The following CIP2A variants were observed in gnomAD, a reference collection of about 807,000 sequenced individuals.
CIP2A encodes cellular inhibitor of PP2A.
Under a neutral mutation model 110.9 loss-of-function variants are expected in CIP2A, and 103 were observed. That is an observed-to-expected ratio of 0.93 (90% CI 0.79 to 1.09). The LOEUF (loss-of-function observed/expected upper bound fraction) is 1.09, where lower values mean the gene tolerates loss of function less well. CIP2A is among the 50% of genes least tolerant of loss of function. The pLI, the probability that CIP2A is intolerant of heterozygous loss-of-function variation, is 0.00. For synonymous variants in CIP2A, 381 were observed against 361.6 expected (o/e 1.05, Z -0.61); for missense variants, 1,088 against 1,038.4 (o/e 1.05, Z -0.66).
At position 108,582,136 on chromosome 3, in the gene CIP2A, C is replaced by T; in HGVS notation, c.424G>A (p.Glu142Lys). 6.7e-7 allele frequency: 1 copy of T among 1,495,104 alleles called. No individual in the cohort carries two copies. The highest frequency in any genetic ancestry group is 9.2e-7 in the Non-Finnish European group (1 of 1,086,916). The allele number at this position is 1,495,104 out of a possible 1,614,324, so 92.6% of individuals were successfully genotyped here. A position where few individuals can be genotyped will look rare whatever the true frequency, so the allele number is the denominator to read the frequency against. ...KIFYSGANID[E>K]LITFLIDHIQ... ...TGATCTATCAGGAACGTAATTAATT[C>T]ATCTATATTGGCACCAGAATAGAAA... Residue 142 changes from glutamate to lysine, a missense_variant, in exon 4 of 21, where the codon GAA becomes AAA. Glu to Lys is a moderately conservative substitution (Grantham distance 56, BLOSUM62 1). Transcript: ENST00000295746.
rs1937710517 is a variant in CIP2A at position 108,554,402 on chromosome 3, A to T, written c.2298T>A (p.Asn766Lys). Residue 766 changes from asparagine (N) to lysine (K), a missense_variant, in exon 18 of 21, where the codon AAT (asparagine) becomes AAA (lysine). Physicochemically the swap from Asn to Lys is moderately conservative, Grantham distance 94 (BLOSUM62 0). Transcript: ENST00000295746. Reference protein sequence around the residue: ...NKQIETVKKLNESLKEQNEKS... With the variant: ...NKQIETVKKLKESLKEQNEKS... ...TTTCATTTTGTTCCTTGAGTGACTC[A>T]TTCAACTTTTTCACTGTCTCAATTT... 1 of 1,531,256 alleles carries T rather than the reference A, an allele frequency of 6.5e-7. No individual in the cohort carries two copies. The highest frequency in any genetic ancestry group is 1.7e-5 in the Admixed American group (1 of 58,002). The allele number at this position is 1,531,256 out of a possible 1,614,324, so 94.9% of individuals were successfully genotyped here.
chr3:108,560,535 A>G (rs1937969825), intron 14 of CIP2A, 114 bp downstream of exon 14: 1 of 643,420 alleles, frequency 1.6e-6, no homozygotes, highest in Non-Finnish European at 2.6e-6. Flanking sequence ...GTTATTTCTT[A>G]TATTAAGGTT....
intron 7 of CIP2A, 60 bp from the exon 8 acceptor site, chr3:108,576,406 G>T: frequency 3.5e-6 from 3 of 865,254 alleles, no homozygotes; most frequent in South Asian, 1.8e-5. Context: ...CATCAAAAGG[G>T]ATTTATCTAC....
chr3:108,588,024 C>G (rs1939130905), intron 1 of CIP2A, among the ~76,000 whole-genome samples: 1 of 152,150 alleles, frequency 6.6e-6, no homozygotes. Context: ...GTGATCCGCT[C>G]GCCTCGGCCT....
chr3:108,584,642 C>T (rs918389921), intron 2 of CIP2A, among the ~76,000 whole-genome samples: 1 of 152,170 alleles, frequency 6.6e-6, no homozygotes, highest in Non-Finnish European at 1.5e-5. Flanking sequence ...CATTCTGTCA[C>T]TGAAGAAAGT....
chr3:108,551,143 T>C lies in CIP2A; in HGVS notation c.*6A>G, dbSNP rs1553692323. The C allele has an allele frequency of 4.9e-6, 6 of 1,226,654 alleles. No individual in the cohort carries two copies. Among genetic ancestry groups the C allele is most frequent in the Non-Finnish European group, 5.3e-6 (5 of 947,868 alleles). 76.0% of individuals were successfully genotyped at this position (1,226,654 alleles called of 1,614,324 possible). A position where few individuals can be genotyped will look rare whatever the true frequency, so the allele number is the denominator to read the frequency against. Reference sequence around the variant, plus strand: ...TGAGATTACAAATTCCAAAATGCCATAATGTCTATATACTGAGATTCACAG... The same window carrying C: ...TGAGATTACAAATTCCAAAATGCCACAATGTCTATATACTGAGATTCACAG... On this transcript the variant is annotated 3_prime_UTR_variant, in exon 21 of 21. Transcript: ENST00000295746.
intron 7 of CIP2A, 76 bp downstream of exon 7, chr3:108,579,205 A>G (rs755022720): frequency 4.5e-6 from 5 of 1,110,292 alleles, no homozygotes; most frequent in Non-Finnish European, 4.0e-6. Flanking sequence ...TATTTTAAGA[A>G]GACAATTCTG....
Position 108,550,656 on chromosome 3 carries a change from G to A in CIP2A, c.*493C>T, listed in dbSNP as rs1390664600. The A allele has an allele frequency of 6.6e-6, 1 of 151,338 alleles. No individual in the cohort carries two copies. The highest frequency in any genetic ancestry group is 1.5e-5 in the Non-Finnish European group (1 of 67,702). The allele number at this position is 151,338 out of a possible 1,614,324, so 9.4% of individuals were successfully genotyped here. ...TTTAAATTCACTAATATTTTCTTTTGTGCTTCTTCAGAGACAAACTTCTCT... is the reference window on the plus strand; with the variant it reads ...TTTAAATTCACTAATATTTTCTTTTATGCTTCTTCAGAGACAAACTTCTCT... On this transcript the variant is annotated 3_prime_UTR_variant, in exon 21 of 21. Coordinates refer to ENST00000295746, the MANE Select transcript of CIP2A (RefSeq NM_020890.3).
At chr3:108,566,359 T>A (rs1576305282) in intron 11 of CIP2A, 138 bp downstream of exon 11, 1 of 631,296 alleles carries the variant, frequency 1.6e-6, no homozygotes, top group Non-Finnish European at 2.6e-6. Context: ...TTACAAAAAA[T>A]TCATTATGAA....
At chr3:108,561,079 G>T (rs1035853342) in intron 13 of CIP2A, among the ~76,000 whole-genome samples, 5 of 152,130 alleles carry the variant, frequency 3.3e-5, no homozygotes, top group Admixed American at 3.3e-4. Context: ...TGGAGGCATT[G>T]TAAGACTAGT....
intron 1 of CIP2A, among the ~76,000 whole-genome samples, chr3:108,587,497 T>G (rs1360572464): frequency 6.6e-6 from 1 of 152,244 alleles, no homozygotes. Flanking sequence ...CTAGAAATGT[T>G]CTGTATCATG....
intron 12 of CIP2A, among the ~76,000 whole-genome samples, chr3:108,564,548 G>A (rs1938116246): frequency 6.6e-6 from 1 of 151,904 alleles, no homozygotes; most frequent in Non-Finnish European, 1.5e-5. Context: ...ACTTGGATGA[G>A]TGCCATGTAA....
rs866662638 is a variant in CIP2A at position 108,575,319 on chromosome 3, T to C, written c.894+952A>G. Among the ~76,000 whole-genome samples, 806 of 146,332 alleles carry C rather than the reference T, an allele frequency of 5.5e-3. 5 individuals carry two copies. The highest frequency in any genetic ancestry group is 0.02 in the African/African-American group (741 of 36,976). On this transcript the variant is annotated intron_variant, in intron 8 of 20. Transcript: ENST00000295746. ...ACACGTGTACGTACACACACGTGCA[T>C]GTACACACACGTGTATATATACATA... is the stretch of plus-strand genomic sequence containing the variant.
chr3:108,565,367 G>T lies in CIP2A; in HGVS notation c.1503C>A (p.Tyr501Ter). The T allele has an allele frequency of 6.4e-7, 1 of 1,570,110 alleles. No homozygotes were observed. The highest frequency in any genetic ancestry group is 8.7e-7 in the Non-Finnish European group (1 of 1,147,916). ...AGTTTAAACTCACCTGAAGTATTTT[G>T]TAGAAGCTTACTTCCATACCAGGAA... ...PLVPGMEVSF[Y>*]KILQDPRLIT... Residue 501 changes from tyrosine (Y) to a stop codon, truncating the protein, a stop_gained, in exon 12 of 21, where the codon TAC (tyrosine) becomes TAA (stop). Coordinates refer to ENST00000295746, the MANE Select transcript of CIP2A (RefSeq NM_020890.3). LOFTEE classifies it high-confidence loss of function.
At position 108,568,133 on chromosome 3, in the gene CIP2A, C is replaced by T. The variant is rs752686943; in HGVS notation, c.1273+22G>A. 1.1e-5 allele frequency: 17 copies of T among 1,593,210 alleles called. No homozygotes were observed. In the East Asian group the frequency reaches 1.3e-4, roughly 13 times the overall value. On this transcript the variant is annotated intron_variant, in intron 10 of 20. Transcript: ENST00000295746. ...AGAATGGTTAGTTATACAGTTTTCACGTTAATGACAGTAAAGGATATTTAA... is the reference window on the plus strand; with the variant it reads ...AGAATGGTTAGTTATACAGTTTTCATGTTAATGACAGTAAAGGATATTTAA...
intron 12 of CIP2A, among the ~76,000 whole-genome samples, chr3:108,564,640 C>T (rs1407443979): frequency 6.6e-6 from 1 of 151,774 alleles, no homozygotes; most frequent in East Asian, 1.9e-4. Context: ...TAAGGAAGCC[C>T]CCTTTATTAT....
chr3:108,589,426 G>C lies in CIP2A; in HGVS notation c.-51C>G, dbSNP rs372870545. 3.7e-6 allele frequency: 5 copies of C among 1,355,708 alleles called. No homozygotes were observed. The South Asian group carries it at 6.2e-5, about 17-fold the overall frequency. 84.0% of individuals were successfully genotyped at this position (1,355,708 alleles called of 1,614,324 possible). A position where few individuals can be genotyped will look rare whatever the true frequency, so the allele number is the denominator to read the frequency against. ...GACCACCACCGCCCAGCGTGCGCCG[G>C]CCTTTAGCTTTCGCCGCGCTTTTTT... On this transcript the variant is annotated 5_prime_UTR_variant, in exon 1 of 21. Coordinates refer to ENST00000295746, the MANE Select transcript of CIP2A (RefSeq NM_020890.3).
intron 19 of CIP2A, among the ~76,000 whole-genome samples, chr3:108,552,582 A>G (rs1937621463): frequency 2.0e-5 from 3 of 152,146 alleles, no homozygotes; most frequent in Admixed American, 2.0e-4. Flanking sequence ...TAGGTAAAGG[A>G]CAATTCTCAA....
At position 108,569,181 on chromosome 3, in the gene CIP2A, T is replaced by TATACACACACACACAC; in HGVS notation, c.1113+207_1113+208insGTGTGTGTGTGTGTAT. ...CTGAAATGAGCACTATATATATATA[T>TATACACACACACACAC]ACATACACACTACTCAGTGAAAAAA... On this transcript the variant is annotated intron_variant, in intron 9 of 20. Transcript: ENST00000295746. Among the ~76,000 whole-genome samples, 5 of 58,282 alleles carry TATACACACACACACAC rather than the reference T, an allele frequency of 8.6e-5. 2 individuals are homozygous for TATACACACACACACAC. In the East Asian group the frequency reaches 3.3e-3, roughly 39 times the overall value. 38.2% of individuals were successfully genotyped at this position (58,282 alleles called of 152,430 possible).
Sources: allele counts gnomAD v4.1 joint callset (sites outside exome capture counted in the v4.1 genomes callset), GRCh38; gene constraint gnomAD v4.1.1; transcripts MANE v1.5; gene names NCBI Gene and HGNC (gene_info 2026-07-23, HGNC 2026-07-21).